The following SLC2A14 variants were observed in gnomAD, a reference collection of about 807,000 sequenced individuals.
SLC2A14 encodes solute carrier family 2, facilitated glucose transporter member 14.
Under a neutral mutation model 43.0 loss-of-function variants are expected in SLC2A14, and 13 were observed. That is an observed-to-expected ratio of 0.30 (90% CI 0.20 to 0.48). The LOEUF (loss-of-function observed/expected upper bound fraction) is 0.48. Ranked by LOEUF, SLC2A14 falls within the 20% of genes least tolerant of loss-of-function variation. The pLI is 0.99. For missense variants in SLC2A14, 428 were observed against 620.4 expected, an observed-to-expected ratio of 0.69 and a Z score of 3.29; for synonymous variants, 190 against 233.8, an observed-to-expected ratio of 0.81 and a Z score of 1.71.
chr12:7,873,059 C>A, upstream of SLC2A14: 6 of 985,518 alleles, frequency 6.1e-6, no homozygotes, highest in Non-Finnish European at 6.0e-6. Context: ...TCGGGGTTGT[C>A]CGGCCCCTCC....
chr12:7,820,714 T>C (rs1863843799), intron 8 of SLC2A14, among the ~76,000 whole-genome samples: 1 of 98,526 alleles, frequency 1.0e-5, no homozygotes, highest in Admixed American at 8.6e-5. Flanking sequence ...CTATACTTCC[T>C]CTTTTCCCAT....
intron 2 of SLC2A14, among the ~76,000 whole-genome samples, chr12:7,863,021 A>C (rs1944672750): frequency 6.6e-6 from 1 of 152,172 alleles, no homozygotes; most frequent in Non-Finnish European, 1.5e-5. Context: ...CGCATTGGCA[A>C]CCAGCTTGGG....
In SLC2A14 at chr12:7,837,638, C is replaced by CAAAAAAAAAAAA. The variant is rs557069415; in HGVS notation, c.19-4836_19-4825dup. Among the ~76,000 whole-genome samples, 123 of 52,844 alleles carry CAAAAAAAAAAAA rather than the reference C, an allele frequency of 2.3e-3. 15 individuals carry two copies. Among genetic ancestry groups the CAAAAAAAAAAAA allele is most frequent in the African/African-American group, 9.1e-3 (104 of 11,420 alleles). The allele number at this position is 52,844 out of a possible 152,430, so 34.7% of individuals were successfully genotyped here. A position where few individuals can be genotyped will look rare whatever the true frequency, so the allele number is the denominator to read the frequency against. On this transcript the variant is annotated intron_variant, in intron 2 of 10. Transcript: ENST00000431042. ...GGGCAACAAGAGTGAAACTTCGTCT[C>CAAAAAAAAAAAA]AAAAAAAAAAAAAAAAAAGATGGTT...
chr12:7,827,015 C>T (rs979756472), intron 7 of SLC2A14, among the ~76,000 whole-genome samples: 1 of 132,144 alleles, frequency 7.6e-6, no homozygotes, highest in Non-Finnish European at 1.7e-5. Flanking sequence ...CTCTCTCTCT[C>T]TTTCTCTCCT....
intron 2 of SLC2A14, among the ~76,000 whole-genome samples, chr12:7,855,557 C>G (rs745551071): frequency 3.2e-4 from 49 of 152,242 alleles, no homozygotes; most frequent in South Asian, 1.0e-3. Context: ...GCCTGTTCTC[C>G]TCAACCAGTG....
At chr12:7,883,437 T>A (rs1167716996) in intron 1 of SLC2A14, among the ~76,000 whole-genome samples, 1 of 150,020 alleles carries the variant, frequency 6.7e-6, no homozygotes, top group African/African-American at 2.5e-5. Context: ...TGGCTGATTT[T>A]TTGTATTTTT....
chr12:7,880,469 T>C (rs1592330462), intron 1 of SLC2A14, among the ~76,000 whole-genome samples: 1 of 68,872 alleles, frequency 1.5e-5, no homozygotes, highest in Non-Finnish European at 2.8e-5. Context: ...AGCAAGACTC[T>C]TGTCTCAAAA....
intron 1 of SLC2A14, among the ~76,000 whole-genome samples, chr12:7,883,585 C>CTTTTCT (rs1945630892): frequency 1.7e-5 from 2 of 121,080 alleles, no homozygotes; most frequent in Admixed American, 8.8e-5. Flanking sequence ...TTTTCTTTTT[C>CTTTTCT]TTTTCTTTTT....
chr12:7,814,653 A>G, intron 10 of SLC2A14, 119 bp from the exon 11 acceptor site: 12 of 1,093,902 alleles, frequency 1.1e-5, no homozygotes, highest in Non-Finnish European at 1.5e-5. Context: ...ATATTTAATG[A>G]AAACATAAAG....
At chr12:7,819,237 C>A (rs10744063) in intron 9 of SLC2A14, among the ~76,000 whole-genome samples, 90,940 of 151,776 alleles carry the variant, frequency 0.6, 27,552 homozygotes, top group African/African-American at 0.68. Flanking sequence ...AACAAACAAA[C>A]AAAAGAATTA....
At chr12:7,826,913 C>CTT (rs776136385) in intron 7 of SLC2A14, among the ~76,000 whole-genome samples, 1 of 108,670 alleles carries the variant, frequency 9.2e-6, no homozygotes, top group Non-Finnish European at 1.9e-5. Flanking sequence ...TTCTTTCTTT[C>CTT]TTTTTCCTTT....
At chr12:7,890,006 A>G (rs6488748) in intron 1 of SLC2A14, among the ~76,000 whole-genome samples, 150,032 of 152,216 alleles carry the variant, frequency 0.99, 73,995 homozygotes, top group Non-Finnish European at 1. Flanking sequence ...CACTCTCGCC[A>G]CCATTTTGGT....
At chr12:7,867,039 G>A (rs1177408061) in intron 2 of SLC2A14, among the ~76,000 whole-genome samples, 1 of 151,540 alleles carries the variant, frequency 6.6e-6, no homozygotes, top group Non-Finnish European at 1.5e-5. Flanking sequence ...CAGCACTTTG[G>A]GAGGCCGAGG....
At chr12:7,838,183 G>A (rs553361671) in intron 2 of SLC2A14, among the ~76,000 whole-genome samples, 5 of 151,440 alleles carry the variant, frequency 3.3e-5, no homozygotes, top group Non-Finnish European at 7.4e-5. Context: ...CACCTCCCAC[G>A]TTCAAGTGAT....
intron 1 of SLC2A14, among the ~76,000 whole-genome samples, chr12:7,879,026 T>C (rs1227605989): frequency 6.6e-6 from 1 of 151,096 alleles, no homozygotes; most frequent in Non-Finnish European, 1.5e-5. Flanking sequence ...TTCTTTTTTT[T>C]CCTCAACCTT....
upstream of SLC2A14, among the ~76,000 whole-genome samples, chr12:7,874,961 TA>T (rs1487924065): frequency 1.5e-4 from 1 of 6,536 alleles, no homozygotes; most frequent in Non-Finnish European, 4.0e-4. Context: ...TATTTATATA[TA>T]AATTATATAT....
chr12:7,882,463 ATT>A (rs1945600989), intron 1 of SLC2A14, among the ~76,000 whole-genome samples: 1 of 151,994 alleles, frequency 6.6e-6, no homozygotes, highest in African/African-American at 2.4e-5. Flanking sequence ...GAATCCCCCA[ATT>A]CCTGACACAG....
intron 2 of SLC2A14, among the ~76,000 whole-genome samples, chr12:7,851,731 AT>A (rs1203972369): frequency 1.3e-5 from 2 of 152,082 alleles, no homozygotes; most frequent in Non-Finnish European, 2.9e-5. Flanking sequence ...CTGAGAAAGA[AT>A]TTTTCTCCCC....
chr12:7,826,862 T>TCCGTCC, intron 7 of SLC2A14, among the ~76,000 whole-genome samples: 1 of 30,872 alleles, frequency 3.2e-5, no homozygotes, highest in Non-Finnish European at 6.7e-5. Context: ...TCCTTTCTTT[T>TCCGTCC]TTCTTTCTTT....
Sources: allele counts gnomAD v4.1 joint callset (sites outside exome capture counted in the v4.1 genomes callset), GRCh38; gene constraint gnomAD v4.1.1; transcripts MANE v1.5; gene names NCBI Gene and HGNC (gene_info 2026-07-23, HGNC 2026-07-21).